Variants in RNF4 observed in about 807,000 individuals in gnomAD.
The protein encoded by RNF4 is E3 ubiquitin-protein ligase RNF4.
In RNF4, 7 loss-of-function variants were observed where a neutral mutation model predicts 24.3. The ratio of observed to expected loss-of-function variants is 0.29; its 90% confidence interval spans 0.16 to 0.54. The LOEUF (loss-of-function observed/expected upper bound fraction) is 0.54, where lower values mean the gene tolerates loss of function less well. RNF4 is among the 20% of genes least tolerant of loss of function. The probability of loss-of-function intolerance (pLI) is 0.95; values close to 1 mark genes in which losing one functional copy is unlikely to be tolerated. For synonymous variants in RNF4, 83 were observed against 84.3 expected (o/e 0.98, Z 0.09); for missense variants, 209 against 248.5 (o/e 0.84, Z 1.07).
At chr4:2,509,287 G>A (rs892455992) in intron 4 of RNF4, among the ~76,000 whole-genome samples, 4 of 149,142 alleles carry the variant, frequency 2.7e-5, no homozygotes, top group Non-Finnish European at 4.5e-5. Context: ...GCGTGACCTC[G>A]GCTCACTGCC....
chr4:2,513,533 G>A (rs1454300616), intron 7 of RNF4, 137 bp from the exon 8 acceptor site: 55 of 1,002,260 alleles, frequency 5.5e-5, no homozygotes, highest in Middle Eastern at 3.3e-4. Flanking sequence ...TAGCTCTCCA[G>A]ACCCCTCCCT....
chr4:2,511,746 G>T (rs1736274604), intron 4 of RNF4, among the ~76,000 whole-genome samples: 3 of 152,220 alleles, frequency 2.0e-5, no homozygotes, highest in Admixed American at 2.0e-4. Context: ...CAGCACATCA[G>T]CTGGGAGGTG....
In RNF4 at chr4:2,512,999, A is replaced by G; in HGVS notation, c.375-84A>G. 3.0e-6 allele frequency: 4 copies of G among 1,322,362 alleles called. No homozygotes were observed. Among genetic ancestry groups the G allele is most frequent in the Middle Eastern group, 1.8e-4 (1 of 5,480 alleles). The allele number at this position is 1,322,362 out of a possible 1,614,324, so 81.9% of individuals were successfully genotyped here. A position where few individuals can be genotyped will look rare whatever the true frequency, so the allele number is the denominator to read the frequency against. ...AGGAGGCCAGGGACGGGACTCTTGT[A>G]GGGGATAGGGGCCACTCACGTGACA... On this transcript the variant is annotated intron_variant, in intron 6 of 7. Transcript: ENST00000314289. The surrounding 1 kb of genome is among the most constrained non-coding windows in gnomAD (Gnocchi z 4.1).
At chr4:2,473,835 G>C (rs1008231150) in intron 1 of RNF4, among the ~76,000 whole-genome samples, 2 of 151,942 alleles carry the variant, frequency 1.3e-5, no homozygotes, top group African/African-American at 4.8e-5. Context: ...GAGCCTGAAG[G>C]CTGGGCCTGA....
chr4:2,493,648 G>A (rs1489715278), intron 2 of RNF4, among the ~76,000 whole-genome samples: 5 of 149,106 alleles, frequency 3.4e-5, no homozygotes, highest in Non-Finnish European at 7.4e-5. Flanking sequence ...GGAGGCTGAG[G>A]CAGGAGAATC....
Position 2,490,485 on chromosome 4 carries a change from A to G in RNF4, c.-9A>G, listed in dbSNP as rs1304275315. On this transcript the variant is annotated 5_prime_UTR_variant, in exon 2 of 8. Transcript: ENST00000314289. ...TTTCTGTAGGAAAGGAAAGGCACCAAAGAGCACAATGAGTACAGTAAGTTT... is the reference window on the plus strand; with the variant it reads ...TTTCTGTAGGAAAGGAAAGGCACCAGAGAGCACAATGAGTACAGTAAGTTT... 17 of 1,612,394 alleles carry G rather than the reference A, an allele frequency of 1.1e-5. No individual in the cohort carries two copies. Among genetic ancestry groups the G allele is most frequent in the Non-Finnish European group, 1.4e-5 (17 of 1,179,266 alleles).
intron 2 of RNF4, among the ~76,000 whole-genome samples, chr4:2,495,767 G>A (rs1735717635): frequency 6.6e-6 from 1 of 152,150 alleles, no homozygotes; most frequent in Admixed American, 6.6e-5. Flanking sequence ...CGAGTAGCTG[G>A]GATTACAGGC....
At chr4:2,485,000 G>A (rs750774828) in intron 1 of RNF4, among the ~76,000 whole-genome samples, 5 of 152,182 alleles carry the variant, frequency 3.3e-5, no homozygotes, top group Middle Eastern at 3.4e-3. Flanking sequence ...AGGAACCCTC[G>A]GCACCTTTGT....
intron 4 of RNF4, among the ~76,000 whole-genome samples, chr4:2,510,686 G>A (rs1020913501): frequency 2.6e-5 from 4 of 152,220 alleles, no homozygotes; most frequent in African/African-American, 9.6e-5. Flanking sequence ...GTCCTGCCCA[G>A]GGGACAGGCA....
chr4:2,497,851 G>T (rs1157624758), intron 3 of RNF4, among the ~76,000 whole-genome samples: 1 of 152,008 alleles, frequency 6.6e-6, no homozygotes, highest in Non-Finnish European at 1.5e-5. Context: ...AGCCAGGATG[G>T]TCTCGATCTC....
rs371680420 is a variant in RNF4, at chr4:2,513,814, A to G, written c.568A>G (p.Ile190Val). Residue 190 changes from isoleucine to valine, a missense_variant, in exon 8 of 8, where the codon ATA becomes GTA. Ile to Val is a conservative substitution (Grantham distance 29, BLOSUM62 3). This residue lies in a region of RNF4 where 17 missense variants were observed against 16.2 expected (regional missense o/e 1.05). Transcript: ENST00000314289. ...CCACAAACGGTACCACCCCATTTATATATGAAGTATTCAGAGCCCCCCAGG... is the reference window on the plus strand; with the variant it reads ...CCACAAACGGTACCACCCCATTTATGTATGAAGTATTCAGAGCCCCCCAGG... The part of the protein sequence containing the change: ...INHKRYHPIY[I>V] The G allele has an allele frequency of 3.1e-6, 5 of 1,613,848 alleles. No homozygotes were observed. The highest frequency in any genetic ancestry group is 4.2e-6 in the Non-Finnish European group (5 of 1,179,900).
intron 2 of RNF4, among the ~76,000 whole-genome samples, chr4:2,494,408 ACT>A (rs1735673801): frequency 9.1e-6 from 1 of 109,340 alleles, no homozygotes; most frequent in Non-Finnish European, 1.8e-5. Flanking sequence ...ACAGAGTCTC[ACT>A]CTGTCGCCCA....
At chr4:2,480,891 G>T (rs1735225275) in intron 1 of RNF4, 1 of 152,162 alleles carries the variant, frequency 6.6e-6, no homozygotes, top group African/African-American at 2.4e-5. Flanking sequence ...GTACAGTTCT[G>T]TTTGAAGTGT....
chr4:2,483,780 G>A (rs1013396664), intron 1 of RNF4, among the ~76,000 whole-genome samples: 2 of 151,894 alleles, frequency 1.3e-5, no homozygotes, highest in African/African-American at 4.8e-5. Context: ...CTCCAGCCTG[G>A]GTGACAGAAC....
chr4:2,507,646 G>T (rs999570933), intron 4 of RNF4, among the ~76,000 whole-genome samples: 12 of 152,270 alleles, frequency 7.9e-5, no homozygotes, highest in Non-Finnish European at 1.2e-4. Flanking sequence ...ACGGGACCCA[G>T]TGATTCCTAT....
chr4:2,492,803 C>T (rs1199867259), intron 2 of RNF4, among the ~76,000 whole-genome samples: 1 of 152,198 alleles, frequency 6.6e-6, no homozygotes, highest in Admixed American at 6.5e-5. Flanking sequence ...GCTTCACCTG[C>T]AGGTTACCAT....
Position 2,497,020 on chromosome 4 carries a change from G to T in RNF4, c.23G>T (p.Gly8Val), listed in dbSNP as rs774124119. 2 of 1,602,448 alleles carry T rather than the reference G, an allele frequency of 1.2e-6. No homozygotes were observed. Among genetic ancestry groups the T allele is most frequent in the Non-Finnish European group, 1.7e-6 (2 of 1,174,822 alleles). MSTRKRRGGAINSRQAQK... is the reference protein window; with the variant it reads MSTRKRRVGAINSRQAQK... ...CTTGCTACTCAGAGAAAGCGTCGTGGTGGAGCAATAAATTCTAGACAAGCT... is the reference window on the plus strand; with the variant it reads ...CTTGCTACTCAGAGAAAGCGTCGTGTTGGAGCAATAAATTCTAGACAAGCT... Residue 8 changes from glycine (G) to valine (V), a missense_variant, in exon 3 of 8, where the codon GGT becomes GTT. Physicochemically the swap from Gly to Val is moderately radical, Grantham distance 109. Around this residue, in one of 3 missense-constraint regions of RNF4, gnomAD observed 182 missense variants for 197.2 expected, o/e 0.92. Transcript: ENST00000314289.
Position 2,512,116 on chromosome 4 carries a change from C to A in RNF4, c.214+151C>A. ...TTCGCAGATGCTGTGGTCAGACCCA[C>A]ACAGCCAGTCCCCCTTGTGCCTGCT... On this transcript the variant is annotated intron_variant, in intron 5 of 7. Coordinates refer to ENST00000314289, the MANE Select transcript of RNF4 (RefSeq NM_002938.5). This position sits in a 1 kb window ranked among gnomAD's most constrained non-coding sequence, Gnocchi z 4.1. The A allele has an allele frequency of 2.9e-6, 2 of 683,536 alleles. No homozygotes were observed. The highest frequency in any genetic ancestry group is 2.5e-6 in the Non-Finnish European group (1 of 395,266). The allele number at this position is 683,536 out of a possible 1,614,324, so 42.3% of individuals were successfully genotyped here. A position where few individuals can be genotyped will look rare whatever the true frequency, so the allele number is the denominator to read the frequency against.
At chr4:2,499,911 C>A (rs2108769540) in intron 3 of RNF4, among the ~76,000 whole-genome samples, 1 of 152,224 alleles carries the variant, frequency 6.6e-6, no homozygotes, top group East Asian at 1.9e-4. Context: ...AATCCCAACA[C>A]TTTGGAAGAC....
Sources: allele counts gnomAD v4.1 joint callset (sites outside exome capture counted in the v4.1 genomes callset), GRCh38; gene constraint gnomAD v4.1.1; regional missense constraint gnomAD v4.1.1; non-coding constraint Gnocchi (gnomAD v3.1); transcripts MANE v1.5; gene names NCBI Gene and HGNC (gene_info 2026-07-23, HGNC 2026-07-21).